The following TRPM3 variants were observed in gnomAD, a reference collection of about 807,000 sequenced individuals.
The protein encoded by TRPM3 is long transient receptor potential channel 3.
Under a neutral mutation model 181.2 loss-of-function variants are expected in TRPM3, and 77 were observed. The observed-to-expected ratio is 0.42, with a 90% CI of 0.35 to 0.51. The LOEUF (loss-of-function observed/expected upper bound fraction) is 0.51. Among genes scored for constraint, TRPM3 ranks in the 20% least tolerant of loss-of-function variants. TRPM3 has a pLI of 0.01. For missense variants in TRPM3, 1,759 were observed against 2,196.7 expected, an observed-to-expected ratio of 0.80 and a Z score of 3.98; for synonymous variants, 745 against 796.4, an observed-to-expected ratio of 0.94 and a Z score of 1.09.
At position 71,344,519 on chromosome 9, in the gene TRPM3, T is replaced by A. The variant is rs190928230; in HGVS notation, c.183+102134A>T. 2.6e-5 allele frequency among the ~76,000 whole-genome samples: 4 copies of A among 152,190 alleles called. 1 individual carries two copies. Among genetic ancestry groups the A allele is most frequent in the Admixed American group, 2.6e-4 (4 of 15,272 alleles). On this transcript the variant is annotated intron_variant, in intron 1 of 24. Coordinates refer to the TRPM3 transcript ENST00000357533. ...AAATCTACTAGGGAAAATGGATTTT[T>A]AAAAAACAGGATATTTGCATGACCT...
chr9:70,560,303 G>A (rs2048745059), intron 22 of TRPM3, among the ~76,000 whole-genome samples: 1 of 152,190 alleles, frequency 6.6e-6, no homozygotes, highest in Non-Finnish European at 1.5e-5. Flanking sequence ...AACTGGCAGT[G>A]AAGATACAAT....
At chr9:71,178,260 T>C (rs952093901) in intron 1 of TRPM3, among the ~76,000 whole-genome samples, 1 of 152,096 alleles carries the variant, frequency 6.6e-6, no homozygotes, top group Admixed American at 6.6e-5. Flanking sequence ...ATAGAGCATA[T>C]TACAGAAAGC....
At chr9:70,762,482 G>A (rs970221411) in intron 7 of TRPM3, among the ~76,000 whole-genome samples, 2 of 152,160 alleles carry the variant, frequency 1.3e-5, no homozygotes, top group Admixed American at 6.5e-5. Flanking sequence ...GGTGAGAACA[G>A]GGCTTTCTCT....
chr9:70,853,702 T>C (rs1038518883), intron 3 of TRPM3, among the ~76,000 whole-genome samples: 12 of 152,216 alleles, frequency 7.9e-5, no homozygotes, highest in African/African-American at 2.4e-5. Context: ...CACACCTAAT[T>C]ATCTAGAATC....
chr9:70,997,528 C>T (rs963062857), intron 1 of TRPM3, among the ~76,000 whole-genome samples: 4 of 152,132 alleles, frequency 2.6e-5, no homozygotes, highest in African/African-American at 4.8e-5. Flanking sequence ...TTCCTTTCAC[C>T]TTTTCAAAAT....
At chr9:71,031,714 AACT>A (rs2057326152) in intron 1 of TRPM3, among the ~76,000 whole-genome samples, 9 of 151,454 alleles carry the variant, frequency 5.9e-5, no homozygotes, top group Non-Finnish European at 1.3e-4. Context: ...TAAAAATCTC[AACT>A]TCAGGGTCAA....
At chr9:71,017,269 G>GA (rs1335014722) in intron 1 of TRPM3, among the ~76,000 whole-genome samples, 1 of 151,712 alleles carries the variant, frequency 6.6e-6, no homozygotes, top group African/African-American at 2.4e-5. Flanking sequence ...AGAAAGGAGA[G>GA]AAAAAAGGAA....
chr9:70,877,026 A>G (rs2095878891), intron 1 of TRPM3, among the ~76,000 whole-genome samples: 1 of 152,042 alleles, frequency 6.6e-6, no homozygotes, highest in African/African-American at 2.4e-5. Flanking sequence ...TTTGTATTGT[A>G]CAGTTTTATG....
At chr9:70,831,265 G>A (rs1230586358) in intron 5 of TRPM3, among the ~76,000 whole-genome samples, 3 of 151,820 alleles carry the variant, frequency 2.0e-5, no homozygotes, top group East Asian at 1.9e-4. Context: ...TGATCTTCCC[G>A]TTATGCTTTC....
chr9:70,582,170 T>C (rs2055960961), intron 22 of TRPM3, among the ~76,000 whole-genome samples: 1 of 115,088 alleles, frequency 8.7e-6, no homozygotes, highest in South Asian at 2.9e-4. Flanking sequence ...CCTCCCCGCC[T>C]CCACCCTGTG....
At chr9:70,547,134 AC>A (rs920411177) in intron 25 of TRPM3, among the ~76,000 whole-genome samples, 4 of 152,206 alleles carry the variant, frequency 2.6e-5, no homozygotes, top group Admixed American at 6.5e-5. Flanking sequence ...TTTTAGTAGG[AC>A]AAAAAGGCAT....
At chr9:70,887,188 A>C (rs1484416462) in intron 1 of TRPM3, among the ~76,000 whole-genome samples, 1 of 152,178 alleles carries the variant, frequency 6.6e-6, no homozygotes, top group African/African-American at 2.4e-5. Context: ...AAGAGGGCTA[A>C]GGATGTGAGT....
At chr9:71,205,455 T>C (rs2079068461) in intron 1 of TRPM3, among the ~76,000 whole-genome samples, 1 of 151,956 alleles carries the variant, frequency 6.6e-6, no homozygotes, top group African/African-American at 2.4e-5. Flanking sequence ...CCTAGTTGGG[T>C]AGAGAGTGCG....
Position 70,581,893 on chromosome 9 carries a change from T to TCCC in TRPM3, c.3223+9137_3223+9138insGGG, listed in dbSNP as rs2055823215. On this transcript the variant is annotated intron_variant, in intron 22 of 25. Coordinates refer to ENST00000677713, the MANE Select transcript of TRPM3 (RefSeq NM_001366145.2). ...AGGTGGGCCAGTCTCCCTCCCTCCC[T>TCCC]TCCTCCTTCCCTCCCTTCTTCATTC... Among the ~76,000 whole-genome samples, 20 of 119,036 alleles carry TCCC rather than the reference T, an allele frequency of 1.7e-4. 1 individual carries two copies. The highest frequency in any genetic ancestry group is 1.2e-3 in the Admixed American group (14 of 11,580). The allele number at this position is 119,036 out of a possible 152,430, so 78.1% of individuals were successfully genotyped here.
At chr9:70,965,935 A>C (rs114001955) in intron 1 of TRPM3, among the ~76,000 whole-genome samples, 3,228 of 152,026 alleles carry the variant, frequency 0.021, 118 homozygotes, top group African/African-American at 0.073. Context: ...AAACAAAACT[A>C]TCAACAGAGT....
At chr9:71,179,667 G>A (rs1261202009) in intron 1 of TRPM3, among the ~76,000 whole-genome samples, 1 of 152,094 alleles carries the variant, frequency 6.6e-6, no homozygotes, top group Admixed American at 6.6e-5. Flanking sequence ...GGGGCAGGAC[G>A]CTAACTTAGC....
At chr9:70,774,491 A>G (rs1476657363) in intron 7 of TRPM3, 10 of 152,180 alleles carry the variant, frequency 6.6e-5, no homozygotes, top group Admixed American at 2.0e-4. Flanking sequence ...GTTTTTGGGA[A>G]GTCAAAAGTT....
chr9:70,541,225 G>GT (rs1167932821), intron 25 of TRPM3, among the ~76,000 whole-genome samples: 2 of 152,112 alleles, frequency 1.3e-5, no homozygotes, highest in Non-Finnish European at 2.9e-5. Context: ...AGGGGAGGGA[G>GT]GCCTGTTGGA....
At chr9:70,602,581 C>CAT (rs995917691) in intron 20 of TRPM3, among the ~76,000 whole-genome samples, 5 of 152,310 alleles carry the variant, frequency 3.3e-5, no homozygotes, top group Admixed American at 1.3e-4. Flanking sequence ...GCCTGCCTTC[C>CAT]TAATGGCTTT....
Sources: gnomAD v4.1 joint callset for allele counts (sites outside exome capture counted in the v4.1 genomes callset) on GRCh38, gnomAD v4.1.1 for gene constraint, MANE v1.5 for transcripts, NCBI Gene and HGNC (gene_info 2026-07-23, HGNC 2026-07-21) for gene names.